TAF1B: variants seen among roughly 807,000 people sequenced by gnomAD.
TAF1B encodes TATA-box binding protein associated factor, RNA polymerase I subunit B, also known as TATA box-binding protein-associated factor RNA polymerase I subunit B.
TAF1B carries 61 observed loss-of-function variants against 83.9 expected under a neutral mutation model. That is an observed-to-expected ratio of 0.73 (90% confidence interval 0.59 to 0.90). TAF1B has a LOEUF of 0.90. Among genes scored for constraint, TAF1B ranks in the 40% least tolerant of loss-of-function variants. TAF1B has a pLI of 0.00. For missense variants in TAF1B, 625 were observed against 677.0 expected, an observed-to-expected ratio of 0.92 and a Z score of 0.85; for synonymous variants, 221 against 224.6, an observed-to-expected ratio of 0.98 and a Z score of 0.14.
At chr2:9,843,940 G>GA (rs1663112003) in intron 1 of TAF1B, among the ~76,000 whole-genome samples, 1 of 152,122 alleles carries the variant, frequency 6.6e-6, no homozygotes, top group South Asian at 2.1e-4. Context: ...GTTGGAACCT[G>GA]AGATGCCGCC....
At chr2:9,900,496 A>G (rs1302271704) in intron 8 of TAF1B, among the ~76,000 whole-genome samples, 3 of 152,180 alleles carry the variant, frequency 2.0e-5, no homozygotes, top group Non-Finnish European at 4.4e-5. Context: ...TGATCATGCC[A>G]CAGCACTCCA....
At chr2:9,854,282 G>C in intron 4 of TAF1B, 44 bp from the exon 5 acceptor site, 1 of 1,411,094 alleles carries the variant, frequency 7.1e-7, no homozygotes, top group Non-Finnish European at 1.0e-6. Context: ...TACATTTGTT[G>C]TCATAACCTG....
rs779972180 is a variant in TAF1B, at chr2:9,919,775, C to T, written c.1520C>T (p.Thr507Ile). ...VLKEKGQSLLTKNSLYWLSTQ... is the reference protein window; with the variant it reads ...VLKEKGQSLLIKNSLYWLSTQ... ...AAAGAGAAAGGCCAATCACTGCTGA[C>T]TAAGAATTCATTATATTGGCTTAGT... is the stretch of plus-strand genomic sequence containing the variant. Residue 507 changes from threonine (T) to isoleucine (I), a missense_variant, in exon 14 of 15, where the codon ACT becomes ATT. By Grantham distance (89) the Thr-to-Ile change is moderately conservative. Transcript: ENST00000263663. The T allele has an allele frequency of 6.2e-7, 1 of 1,614,114 alleles. No individual in the cohort carries two copies. Among genetic ancestry groups the T allele is most frequent in the South Asian group, 1.1e-5 (1 of 91,078 alleles).
intron 6 of TAF1B, among the ~76,000 whole-genome samples, chr2:9,875,302 C>CGG (rs1558244096): frequency 1.3e-5 from 2 of 152,182 alleles, no homozygotes; most frequent in African/African-American, 4.8e-5. Flanking sequence ...CCCACTCCTA[C>CGG]AGATATCCCA....
chr2:9,845,171 A>G, intron 1 of TAF1B, 49 bp from the exon 2 acceptor site: 1 of 1,430,704 alleles, frequency 7.0e-7, no homozygotes, highest in East Asian at 2.3e-5. Context: ...GGTACGATGT[A>G]TTGAATGTGG....
At chr2:9,921,146 C>T (rs1248231143) in intron 14 of TAF1B, among the ~76,000 whole-genome samples, 1 of 152,152 alleles carries the variant, frequency 6.6e-6, no homozygotes, top group Non-Finnish European at 1.5e-5. Flanking sequence ...AGCTGGAGTA[C>T]AGTGGCACGA....
intron 9 of TAF1B, among the ~76,000 whole-genome samples, chr2:9,906,119 C>T (rs1665335368): frequency 6.6e-6 from 1 of 151,894 alleles, no homozygotes; most frequent in Non-Finnish European, 1.5e-5. Context: ...GTTCTAAATC[C>T]TGAGTTTATA....
rs545676689 is a variant in TAF1B at position 9,861,242 on chromosome 2, C to G, written c.399+6821C>G. Among the ~76,000 whole-genome samples the G allele has an allele frequency of 3.3e-4, 51 of 152,360 alleles. No homozygotes were observed. The South Asian group carries it at 0.01, about 31-fold the overall frequency. On this transcript the variant is annotated intron_variant, in intron 5 of 14. Transcript: ENST00000263663. The stretch of plus-strand genomic sequence containing the variant: ...ACGGCACCTGGAAAATCAGGTCGCT[C>G]CCACCCTAATACTGCGCTTTTCGAA...
In TAF1B at chr2:9,908,028, C is replaced by CTTTTTT. The variant is rs57261740; in HGVS notation, c.956-2678_956-2673dup. ...AGCGGAGCAGTTCAAGATCTTAATT[C>CTTTTTT]TTTTTTTTTTTTTTTTTTTTTTTTT... is the stretch of plus-strand genomic sequence containing the variant. On this transcript the variant is annotated intron_variant, in intron 9 of 14. Transcript: ENST00000263663. Among the ~76,000 whole-genome samples, 105 of 71,738 alleles carry CTTTTTT rather than the reference C, an allele frequency of 1.5e-3. 19 individuals carry two copies. The highest frequency in any genetic ancestry group is 3.7e-3 in the African/African-American group (47 of 12,706). The allele number at this position is 71,738 out of a possible 152,430, so 47.1% of individuals were successfully genotyped here.
At chr2:9,892,592 G>T (rs1030727326) in intron 8 of TAF1B, among the ~76,000 whole-genome samples, 1 of 152,112 alleles carries the variant, frequency 6.6e-6, no homozygotes, top group Non-Finnish European at 1.5e-5. Flanking sequence ...TTCACCCATG[G>T]TGTCGCAAAT....
intron 14 of TAF1B, among the ~76,000 whole-genome samples, chr2:9,924,890 G>C (rs1665988457): frequency 1.3e-5 from 2 of 152,150 alleles, no homozygotes; most frequent in South Asian, 4.1e-4. Context: ...ATTCTTCCTA[G>C]CTGAGGCAGA....
intron 11 of TAF1B, among the ~76,000 whole-genome samples, chr2:9,912,548 C>T (rs887056992): frequency 3.3e-5 from 5 of 152,190 alleles, no homozygotes; most frequent in Non-Finnish European, 5.9e-5. Flanking sequence ...CTAACATCCC[C>T]TCTAATGCTA....
intron 9 of TAF1B, 78 bp downstream of exon 9, chr2:9,905,084 C>A: frequency 7.5e-7 from 1 of 1,339,392 alleles, no homozygotes; most frequent in Non-Finnish European, 1.0e-6. Context: ...CTTTTCAAAT[C>A]ACAGACTATT....
At position 9,888,790 on chromosome 2, in the gene TAF1B, G is replaced by GTTTTTT. The variant is rs56125595; in HGVS notation, c.807+6010_807+6015dup. On this transcript the variant is annotated intron_variant, in intron 8 of 14. Coordinates refer to ENST00000263663, the MANE Select transcript of TAF1B (RefSeq NM_005680.3). ...GTTTTCTTTATGTTTCTTCTGCTTGGTTTTTTTTTTTTTTTTTTTTTTTTT... is the reference window on the plus strand; with the variant it reads ...GTTTTCTTTATGTTTCTTCTGCTTGGTTTTTTTTTTTTTTTTTTTTTTTTTTTTTTT... 1.1e-4 allele frequency among the ~76,000 whole-genome samples: 9 copies of GTTTTTT among 81,646 alleles called. 1 individual carries two copies. The highest frequency in any genetic ancestry group is 6.8e-3 in the Middle Eastern group (1 of 146). The allele number at this position is 81,646 out of a possible 152,430, so 53.6% of individuals were successfully genotyped here. A position where few individuals can be genotyped will look rare whatever the true frequency, so the allele number is the denominator to read the frequency against.
chr2:9,880,646 T>C (rs949976319), intron 7 of TAF1B, among the ~76,000 whole-genome samples: 1 of 152,084 alleles, frequency 6.6e-6, no homozygotes, highest in African/African-American at 2.4e-5. Flanking sequence ...GTGTCTCTAC[T>C]GACTCATGTG....
intron 9 of TAF1B, among the ~76,000 whole-genome samples, chr2:9,907,534 C>T (rs768621453): frequency 7.9e-5 from 12 of 151,906 alleles, no homozygotes; most frequent in Admixed American, 2.6e-4. Flanking sequence ...CTCTGGGGCT[C>T]GGGGAAAGCT....
chr2:9,875,788 T>C, intron 6 of TAF1B, 77 bp from the exon 7 acceptor site: 2 of 1,444,714 alleles, frequency 1.4e-6, no homozygotes, highest in Non-Finnish European at 1.9e-6. Context: ...AAAATGCCTG[T>C]TTAGATTTTT....
At chr2:9,868,757 A>C (rs1664076932) in intron 6 of TAF1B, 4 of 496,986 alleles carry the variant, frequency 8.0e-6, no homozygotes, top group Admixed American at 2.4e-5. Flanking sequence ...GTTGTAGCAG[A>C]AAAATGTTAT....
chr2:9,913,729 G>C (rs1402238087), intron 12 of TAF1B: 1 of 152,814 alleles, frequency 6.5e-6, no homozygotes, highest in African/African-American at 2.4e-5. Flanking sequence ...AAGTCCATTT[G>C]ATTCAGCCAG....
Sources: gnomAD v4.1 joint callset for allele counts (sites outside exome capture counted in the v4.1 genomes callset) on GRCh38, gnomAD v4.1.1 for gene constraint, MANE v1.5 for transcripts, NCBI Gene and HGNC (gene_info 2026-07-23, HGNC 2026-07-21) for gene names.